COL6A5: variants seen among roughly 807,000 people sequenced by gnomAD.
COL6A5 encodes collagen type VI alpha 5 chain.
In COL6A5, 48 loss-of-function variants were observed where a neutral mutation model predicts 65.6. The ratio of observed to expected loss-of-function variants is 0.73; its 90% CI spans 0.58 to 0.93. COL6A5 has a LOEUF of 0.93. Ranked by LOEUF, COL6A5 falls within the 40% of genes least tolerant of loss-of-function variation. The pLI is 0.00. For missense variants in COL6A5, 914 were observed against 928.3 expected, an observed-to-expected ratio of 0.98 and a Z score of 0.20; for synonymous variants, 291 against 322.8, an observed-to-expected ratio of 0.90 and a Z score of 1.05.
intron 6 of COL6A5, among the ~76,000 whole-genome samples, chr3:130,390,578 AG>A (rs993681214): frequency 3.9e-5 from 6 of 152,166 alleles, no homozygotes; most frequent in Non-Finnish European, 7.3e-5. Context: ...AAAAGGTGAT[AG>A]GAGTTTTTGC....
intron 1 of COL6A5, 137 bp from the exon 2 acceptor site, chr3:130,373,474 G>C: frequency 3.5e-6 from 2 of 572,274 alleles, no homozygotes; most frequent in South Asian, 2.5e-5. Flanking sequence ...CCAAATGCTT[G>C]ATGAATTTTA....
chr3:130,424,500 A>G (rs1250289219), intron 29 of COL6A5, among the ~76,000 whole-genome samples: 2 of 152,124 alleles, frequency 1.3e-5, no homozygotes, highest in Admixed American at 6.6e-5. Flanking sequence ...TAACAAGCAC[A>G]GTCAGGTGAG....
chr3:130,364,459 A>G (rs1935256658), intron 1 of COL6A5, among the ~76,000 whole-genome samples: 3 of 152,226 alleles, frequency 2.0e-5, no homozygotes, highest in Non-Finnish European at 4.4e-5. Context: ...CCAAACATAT[A>G]CACACAAATA....
exon 9 of COL6A5, chr3:130,397,898 A>G (rs1456314493): frequency 1.9e-6 from 3 of 1,550,826 alleles, no homozygotes; most frequent in African/African-American, 2.7e-5. Context: ...GACACATTTA[A>G]GGATAAATCT....
chr3:130,439,757 C>T (rs1709131071), intron 2 of COL6A5, 142 bp downstream of exon 34: 4 of 664,836 alleles, frequency 6.0e-6, no homozygotes, highest in Admixed American at 6.3e-5. Flanking sequence ...TACCATATGT[C>T]ATGGTTTCAA....
chr3:130,358,768 C>CAGCAA (rs1347471579), intron 1 of COL6A5, among the ~76,000 whole-genome samples: 2 of 152,088 alleles, frequency 1.3e-5, no homozygotes, highest in Admixed American at 6.5e-5. Context: ...CTGCAGTTGT[C>CAGCAA]TAATATTGGC....
intron 11 of COL6A5, 85 bp from the exon 12 acceptor site, chr3:130,401,677 G>A: frequency 1.0e-6 from 1 of 1,002,786 alleles, no homozygotes; most frequent in Non-Finnish European, 1.5e-6. Flanking sequence ...TGTAGATGGT[G>A]GATTATGATT....
chr3:130,413,674 TTACAAGGGTATAGGAAGTGCCCAG>T, intron 21 of COL6A5, 94 bp downstream of exon 21: 1 of 1,280,464 alleles, frequency 7.8e-7, no homozygotes, highest in Non-Finnish European at 1.1e-6. Flanking sequence ...AATGAGCATT[TTACAAGGGTATAGGAAGTGCCCAG>T]TACTGGACGT....
intron 7 of COL6A5, among the ~76,000 whole-genome samples, chr3:130,394,302 A>C (rs1936510710): frequency 6.6e-6 from 1 of 152,188 alleles, no homozygotes; most frequent in South Asian, 2.1e-4. Flanking sequence ...TCCAGATACC[A>C]GCTCCACTCC....
chr3:130,346,024 GGA>G (rs1280038734), intron 1 of COL6A5, 43 bp downstream of exon 1: 40 of 398,556 alleles, frequency 1.0e-4, no homozygotes, highest in Non-Finnish European at 1.7e-4. Context: ...GGCAGGCGGG[GGA>G]GGAAACCTCG....
intron 4 of COL6A5, among the ~76,000 whole-genome samples, chr3:130,451,401 A>G (rs1709427615): frequency 6.6e-6 from 1 of 152,142 alleles, no homozygotes; most frequent in Non-Finnish European, 1.5e-5. Context: ...GAGCAGAAGT[A>G]TACTGGTGAT....
At chr3:130,438,954 A>G (rs966355097) in intron 1 of COL6A5, among the ~76,000 whole-genome samples, 4 of 152,176 alleles carry the variant, frequency 2.6e-5, no homozygotes, top group Non-Finnish European at 5.9e-5. Context: ...AATTCTGTCC[A>G]TTGCTTTTTG....
chr3:130,468,046 T>C (rs1201761071), intron 5 of COL6A5, among the ~76,000 whole-genome samples: 1 of 152,002 alleles, frequency 6.6e-6, no homozygotes, highest in African/African-American at 2.4e-5. Context: ...TGCAGCAAGA[T>C]AAGAAGCTTG....
chr3:130,351,998 T>C (rs1375767930), intron 1 of COL6A5, among the ~76,000 whole-genome samples: 1 of 152,188 alleles, frequency 6.6e-6, no homozygotes, highest in East Asian at 1.9e-4. Context: ...TGAGTTCATG[T>C]CCTTTGCAGG....
chr3:130,482,483 C>T (rs973887627), intron 7 of COL6A5, among the ~76,000 whole-genome samples: 1 of 152,148 alleles, frequency 6.6e-6, no homozygotes, highest in Non-Finnish European at 1.5e-5. Flanking sequence ...CAGCATGATG[C>T]CTCCAGCTTT....
intron 4 of COL6A5, among the ~76,000 whole-genome samples, chr3:130,383,644 G>A (rs964985911): frequency 1.3e-5 from 2 of 151,952 alleles, no homozygotes; most frequent in East Asian, 1.9e-4. Context: ...AGCAACTGCC[G>A]TGGGCTGAAG....
chr3:130,359,610 T>C (rs1187201137), intron 1 of COL6A5, among the ~76,000 whole-genome samples: 1 of 152,072 alleles, frequency 6.6e-6, no homozygotes, highest in African/African-American at 2.4e-5. Flanking sequence ...AAAGCAAAAG[T>C]GTATAGGACC....
chr3:130,469,712 C>T (rs996391186), intron 6 of COL6A5, among the ~76,000 whole-genome samples: 10 of 151,952 alleles, frequency 6.6e-5, no homozygotes, highest in Admixed American at 2.0e-4. Flanking sequence ...TGAAAAGTGC[C>T]CTTTAGCCCT....
intron 4 of COL6A5, among the ~76,000 whole-genome samples, chr3:130,452,795 G>T (rs2107596428): frequency 6.6e-6 from 1 of 152,192 alleles, no homozygotes; most frequent in East Asian, 1.9e-4. Flanking sequence ...GGGAGACTGG[G>T]GCTTATTTCA....
Sources: allele counts gnomAD v4.1 joint callset (sites outside exome capture counted in the v4.1 genomes callset), GRCh38; gene constraint gnomAD v4.1.1; transcripts MANE v1.5; gene names NCBI Gene and HGNC (gene_info 2026-07-23, HGNC 2026-07-21).